The following MICOS13 variants were observed in gnomAD, a reference collection of about 807,000 sequenced individuals.
MICOS13 encodes MICOS complex subunit MIC13.
Under a neutral mutation model 16.1 loss-of-function variants are expected in MICOS13, and 15 were observed. The ratio of observed to expected loss-of-function variants is 0.93; its 90% CI spans 0.62 to 1.44. The LOEUF (loss-of-function observed/expected upper bound fraction) is 1.44. Among genes scored for constraint, MICOS13 ranks in the 40% most tolerant of loss-of-function variants. The pLI is 0.00. For synonymous variants in MICOS13, 61 were observed against 62.6 expected (o/e 0.97, Z 0.12); for missense variants, 164 against 155.0 (o/e 1.06, Z -0.31).
rs745713933 is a variant in MICOS13, at chr19:5,680,515, T to G, written c.-29A>C. 2 of 1,592,328 alleles carry G rather than the reference T, an allele frequency of 1.3e-6. No homozygotes were observed. The highest frequency in any genetic ancestry group is 1.9e-5 in the Admixed American group (1 of 52,076). Reference sequence around the variant, plus strand: ...CGCTCGGATCCACGCGCAAGGACACTCGGCTCGCCCGCCGCTTCCTGTCGC... The same window carrying G: ...CGCTCGGATCCACGCGCAAGGACACGCGGCTCGCCCGCCGCTTCCTGTCGC... On this transcript the variant is annotated 5_prime_UTR_variant, in exon 1 of 4. Coordinates refer to ENST00000309324, the MANE Select transcript of MICOS13 (RefSeq NM_205767.3).
chr19:5,680,124 G>T (rs1277911405), intron 1 of MICOS13: 1 of 1,536,044 alleles, frequency 6.5e-7, no homozygotes, highest in Non-Finnish European at 8.7e-7. Flanking sequence ...GTCACTCGCA[G>T]CTCCGAGCAC....
rs745713179 is a variant in MICOS13, at chr19:5,678,603, G to A, written c.305C>T (p.Ala102Val). ...MSALSVAPSK[A>V]REYSKEGWEY... is the part of the protein sequence containing the mutation. ...CCAGCCCTCCTTGGAGTACTCGCGG[G>A]CCTTGGAGGGGGCCACCGACAGAGC... is the stretch of plus-strand genomic sequence containing the variant. The change falls in exon 4 of 4, where the codon GCC becomes GTC. Residue 102 changes from alanine to valine, a missense_variant. Ala to Val is a moderately conservative substitution (Grantham distance 64). Transcript: ENST00000309324. The A allele has an allele frequency of 6.5e-7, 1 of 1,547,788 alleles. No homozygotes were observed. The highest frequency in any genetic ancestry group is 1.2e-5 in the South Asian group (1 of 83,892).
Position 5,678,454 on chromosome 19 carries a change from C to A in MICOS13, c.*97G>T. The stretch of plus-strand genomic sequence containing the variant: ...GAAGTCCTTTATTGGGCCGGCAAGG[C>A]CGGGAGCTGCCCTCGGAGTGGGGTC... On this transcript the variant is annotated 3_prime_UTR_variant, in exon 4 of 4. Transcript: ENST00000309324. 8.3e-7 allele frequency: 1 copy of A among 1,201,716 alleles called. No homozygotes were observed. Among genetic ancestry groups the A allele is most frequent in the Non-Finnish European group, 1.2e-6 (1 of 848,094 alleles). The allele number at this position is 1,201,716 out of a possible 1,614,324, so 74.4% of individuals were successfully genotyped here.
At position 5,678,425 on chromosome 19, in the gene MICOS13, T is replaced by C; in HGVS notation, c.*126A>G. 1 of 929,502 alleles carries C rather than the reference T, an allele frequency of 1.1e-6. No individual in the cohort carries two copies. Among genetic ancestry groups the C allele is most frequent in the Non-Finnish European group, 1.6e-6 (1 of 615,008 alleles). The allele number at this position is 929,502 out of a possible 1,614,324, so 57.6% of individuals were successfully genotyped here. A position where few individuals can be genotyped will look rare whatever the true frequency, so the allele number is the denominator to read the frequency against. Reference sequence around the variant, plus strand: ...GGCCAGCACACGGGTCAGGGAACACTTCTGAAGTCCTTTATTGGGCCGGCA... The same window carrying C: ...GGCCAGCACACGGGTCAGGGAACACCTCTGAAGTCCTTTATTGGGCCGGCA... On this transcript the variant is annotated 3_prime_UTR_variant, in exon 4 of 4. Coordinates refer to ENST00000309324, the MANE Select transcript of MICOS13 (RefSeq NM_205767.3).
chr19:5,679,811 C>A, intron 1 of MICOS13, 48 bp from the exon 2 acceptor site: 1 of 1,537,832 alleles, frequency 6.5e-7, no homozygotes, highest in Non-Finnish European at 8.7e-7. Context: ...CACTGACAGC[C>A]ACCCTCAGGG....
rs761914646 is a variant in MICOS13, at chr19:5,679,574, G to A, written c.207+12C>T. The A allele has an allele frequency of 6.8e-6, 11 of 1,607,544 alleles. No homozygotes were observed. Among genetic ancestry groups the A allele is most frequent in the Non-Finnish European group, 9.3e-6 (11 of 1,177,592 alleles). ...CCCGCCAAACCCTGGCCTCGTTCCC[G>A]GCCCGTAGTACCTGGGGTATCTGCA... On this transcript the variant is annotated intron_variant, in intron 2 of 3. Transcript: ENST00000309324.
chr19:5,679,415 C>T lies in MICOS13; in HGVS notation c.208-19G>A. On this transcript the variant is annotated intron_variant, in intron 2 of 3. Coordinates refer to ENST00000309324, the MANE Select transcript of MICOS13 (RefSeq NM_205767.3). The stretch of plus-strand genomic sequence containing the variant: ...CTGGGAGCTGGGAAAAAGAGATGGG[C>T]AGAAAGAACTGGTGAAAAGGCTCAG... The T allele has an allele frequency of 1.9e-6, 3 of 1,612,602 alleles. No homozygotes were observed. In the East Asian group the frequency reaches 6.7e-5, roughly 36 times the overall value.
rs1483971032 is a variant in MICOS13, at chr19:5,678,473, T to C, written c.*78A>G. On this transcript the variant is annotated 3_prime_UTR_variant, in exon 4 of 4. Transcript: ENST00000309324. ...GCAAGGCCGGGAGCTGCCCTCGGAG[T>C]GGGGTCCCAGTCCGGAGTCTTCAGG... 1 of 1,347,216 alleles carries C rather than the reference T, an allele frequency of 7.4e-7. No homozygotes were observed. The highest frequency in any genetic ancestry group is 1.0e-6 in the Non-Finnish European group (1 of 974,796). 83.5% of individuals were successfully genotyped at this position (1,347,216 alleles called of 1,614,324 possible). A position where few individuals can be genotyped will look rare whatever the true frequency, so the allele number is the denominator to read the frequency against.
chr19:5,680,419 T>C, intron 1 of MICOS13, 39 bp downstream of exon 1: 1 of 1,613,048 alleles, frequency 6.2e-7, no homozygotes, highest in Non-Finnish European at 8.5e-7. Context: ...AAAATGGACT[T>C]TTTCGGGGAC....
intron 2 of MICOS13, 27 bp from the exon 3 acceptor site, chr19:5,679,423 A>G (rs2054490416): frequency 1.2e-6 from 2 of 1,611,502 alleles, no homozygotes; most frequent in Middle Eastern, 3.4e-4. Context: ...GGCAGAAAGA[A>G]CTGGTGAAAA....
intron 1 of MICOS13, 51 bp from the exon 2 acceptor site, chr19:5,679,814 C>T (rs757877289): frequency 3.9e-6 from 6 of 1,533,342 alleles, no homozygotes; most frequent in South Asian, 1.2e-5. Flanking sequence ...TGACAGCCAC[C>T]CTCAGGGGCC....
chr19:5,679,356 G>A lies in MICOS13; in HGVS notation c.248C>T (p.Ser83Phe), dbSNP rs1393021287. The change falls in exon 3 of 4, where the codon TCC (serine) becomes TTC (phenylalanine). Residue 83 changes from serine (S) to phenylalanine (F), a missense_variant. Ser to Phe is a radical substitution (Grantham distance 155, BLOSUM62 -2). Transcript: ENST00000309324. ...ACTGGGTGCCTTACCTGCATTCCAGGAGTCACGGATGGGAAAGTAAATCTT... is the reference window on the plus strand; with the variant it reads ...ACTGGGTGCCTTACCTGCATTCCAGAAGTCACGGATGGGAAAGTAAATCTT... Reference protein sequence around the residue: ...PPKIYFPIRDSWNAGIMTVMS... With the variant: ...PPKIYFPIRDFWNAGIMTVMS... 1 of 1,613,612 alleles carries A rather than the reference G, an allele frequency of 6.2e-7. No homozygotes were observed. Among genetic ancestry groups the A allele is most frequent in the East Asian group, 2.2e-5 (1 of 44,868 alleles).
Position 5,679,775 on chromosome 19 carries a change from G to A in MICOS13, c.30-12C>T. On this transcript the variant is annotated splice_polypyrimidine_tract_variant and intron_variant, in intron 1 of 3. Transcript: ENST00000309324. Reference sequence around the variant, plus strand: ...CCTTGATGAGGAACCTGCGGGCAGGGACGGGAGGAGCAGAAGCTCAGCGGA... The same window carrying A: ...CCTTGATGAGGAACCTGCGGGCAGGAACGGGAGGAGCAGAAGCTCAGCGGA... 2 of 1,585,568 alleles carry A rather than the reference G, an allele frequency of 1.3e-6. No individual in the cohort carries two copies. Among genetic ancestry groups the A allele is most frequent in the South Asian group, 2.2e-5 (2 of 88,950 alleles).
intron 3 of MICOS13, 92 bp from the exon 4 acceptor site, chr19:5,678,740 TG>T (rs1024152386): frequency 2.3e-5 from 4 of 175,564 alleles, no homozygotes; most frequent in Non-Finnish European, 4.7e-5. Flanking sequence ...TTTTGGGCGG[TG>T]GGGGGTGGGT....
At chr19:5,678,676 T>C (rs1016983726) in intron 3 of MICOS13, 28 bp from the exon 4 acceptor site, 1 of 1,380,392 alleles carries the variant, frequency 7.2e-7, no homozygotes, top group African/African-American at 1.5e-5. Flanking sequence ...CCACTGGTGA[T>C]ACTCCCCTCC....
chr19:5,678,718 C>T (rs1236222631), intron 3 of MICOS13, 70 bp from the exon 4 acceptor site: 6 of 977,476 alleles, frequency 6.1e-6, no homozygotes, highest in Non-Finnish European at 8.4e-6. Context: ...CCCTGGGAAA[C>T]TCTAGAGTTT....
At chr19:5,679,154 C>T (rs948247126) in intron 3 of MICOS13, 191 bp downstream of exon 3, 15 of 604,320 alleles carry the variant, frequency 2.5e-5, no homozygotes, top group African/African-American at 9.3e-5. Context: ...TCAGATGATC[C>T]GCCCACCTCA....
chr19:5,680,223 A>C (rs368558348), intron 1 of MICOS13: 5 of 1,545,248 alleles, frequency 3.2e-6, no homozygotes, highest in East Asian at 4.9e-5. Flanking sequence ...GCGGAGGCTG[A>C]CACCGCGAAC....
Position 5,678,537 on chromosome 19 carries a change from C to A in MICOS13, c.*14G>T, listed in dbSNP as rs1192687844. 1 of 1,546,918 alleles carries A rather than the reference C, an allele frequency of 6.5e-7. No homozygotes were observed. Among genetic ancestry groups the A allele is most frequent in the Non-Finnish European group, 8.7e-7 (1 of 1,145,520 alleles). ...TGCCCGTTCTGGCCGGGGCAGGCGGCCCCTGCTGACTCGCTACTTGGTGCG... is the reference window on the plus strand; with the variant it reads ...TGCCCGTTCTGGCCGGGGCAGGCGGACCCTGCTGACTCGCTACTTGGTGCG... On this transcript the variant is annotated 3_prime_UTR_variant, in exon 4 of 4. Transcript: ENST00000309324.
Sources: gnomAD v4.1 joint callset for allele counts on GRCh38, gnomAD v4.1.1 for gene constraint, MANE v1.5 for transcripts, NCBI Gene and HGNC (gene_info 2026-07-23, HGNC 2026-07-21) for gene names.